The following RGS6 variants were observed in gnomAD, a reference collection of about 807,000 sequenced individuals.
RGS6 encodes the protein regulator of G-protein signaling 6.
In RGS6, 30 loss-of-function variants were observed where a neutral mutation model predicts 78.5. The ratio of observed to expected loss-of-function variants is 0.38; its 90% CI spans 0.29 to 0.52. RGS6 has a LOEUF of 0.52. Among genes scored for constraint, RGS6 ranks in the 20% least tolerant of loss-of-function variants. The pLI, the probability that RGS6 is intolerant of heterozygous loss-of-function variation, is 0.85. For missense variants in RGS6, 495 were observed against 609.7 expected (o/e 0.81, Z 1.98); for synonymous variants, 206 against 206.0 (o/e 1.00, Z 0.00).
intron 2 of RGS6, among the ~76,000 whole-genome samples, chr14:72,188,885 A>T (rs1432435750): frequency 1.3e-5 from 2 of 152,236 alleles, no homozygotes; most frequent in Admixed American, 1.3e-4. Flanking sequence ...ACTCTCACAG[A>T]GCAGAGAAAT....
At chr14:72,021,560 C>A (rs1447248555) in intron 2 of RGS6, among the ~76,000 whole-genome samples, 1 of 150,092 alleles carries the variant, frequency 6.7e-6, no homozygotes. Flanking sequence ...GCTCTGCCTC[C>A]TAGGTTCAAG....
intron 13 of RGS6, among the ~76,000 whole-genome samples, chr14:72,501,005 T>C (rs1227334973): frequency 6.6e-6 from 1 of 151,960 alleles, no homozygotes; most frequent in African/African-American, 2.4e-5. Context: ...AAACGCTTCA[T>C]GAGAGGAGGG....
intron 12 of RGS6, among the ~76,000 whole-genome samples, chr14:72,482,344 T>A (rs1051568205): frequency 6.6e-6 from 1 of 152,206 alleles, no homozygotes; most frequent in Non-Finnish European, 1.5e-5. Flanking sequence ...CTTTTAGTTG[T>A]CTGTCTGTCT....
chr14:72,145,312 G>C (rs1378440837), intron 2 of RGS6, among the ~76,000 whole-genome samples: 1 of 152,154 alleles, frequency 6.6e-6, no homozygotes, highest in African/African-American at 2.4e-5. Context: ...GGTCTACGTG[G>C]GAAAGGGCTG....
intron 2 of RGS6, among the ~76,000 whole-genome samples, chr14:72,334,253 G>A (rs1265894128): frequency 6.6e-6 from 1 of 152,260 alleles, no homozygotes; most frequent in African/African-American, 2.4e-5. Flanking sequence ...CAAGGCTCAT[G>A]CCAAACCCCA....
At chr14:72,005,439 C>CTCTATCTATCTATCTATCTATTTA (rs2084333108) in intron 2 of RGS6, among the ~76,000 whole-genome samples, 1 of 143,512 alleles carries the variant, frequency 7.0e-6, no homozygotes, top group East Asian at 2.0e-4. Flanking sequence ...ACCTGCATAT[C>CTCTATCTATCTATCTATCTATTTA]TCTATCTATC....
chr14:72,164,169 T>A (rs1213257464), intron 2 of RGS6, among the ~76,000 whole-genome samples: 2 of 152,136 alleles, frequency 1.3e-5, no homozygotes, highest in Non-Finnish European at 2.9e-5. Context: ...GTCCTGTTAG[T>A]TGTAGCATTT....
chr14:72,293,443 AGT>A (rs1382816276), intron 2 of RGS6, among the ~76,000 whole-genome samples: 2 of 152,082 alleles, frequency 1.3e-5, no homozygotes, highest in African/African-American at 4.8e-5. Context: ...CGGATGGGCT[AGT>A]GTTTGTTTTC....
At position 72,490,253 on chromosome 14, in the gene RGS6, C is replaced by T. The variant is rs940600259; in HGVS notation, c.855-4899C>T. On this transcript the variant is annotated intron_variant, in intron 12 of 17. Transcript: ENST00000553525. Reference sequence around the variant, plus strand: ...AAATGGGAGTTTCCCTGCACAAGCTCGCTCTCTTTGCCTGCTGCCATCCAT... The same window carrying T: ...AAATGGGAGTTTCCCTGCACAAGCTTGCTCTCTTTGCCTGCTGCCATCCAT... Among the ~76,000 whole-genome samples, 6 of 152,102 alleles carry T rather than the reference C, an allele frequency of 3.9e-5. 1 individual carries two copies. The South Asian group carries it at 6.2e-4, about 16-fold the overall frequency.
chr14:72,526,904 C>G (rs2097127103), intron 15 of RGS6, among the ~76,000 whole-genome samples: 1 of 152,242 alleles, frequency 6.6e-6, no homozygotes, highest in African/African-American at 2.4e-5. Flanking sequence ...AAGAAAAGCT[C>G]ATTTTCCCTA....
chr14:72,451,754 AT>A (rs149787891), intron 3 of RGS6, among the ~76,000 whole-genome samples: 36 of 149,302 alleles, frequency 2.4e-4, no homozygotes, highest in African/African-American at 4.9e-4. Context: ...GAAAAGAACT[AT>A]TTTTTTTTTC....
chr14:72,389,362 T>C (rs1481671038), intron 3 of RGS6, among the ~76,000 whole-genome samples: 1 of 152,172 alleles, frequency 6.6e-6, no homozygotes, highest in Non-Finnish European at 1.5e-5. Context: ...AGATAATAAA[T>C]GACCTTCTGA....
chr14:72,454,383 G>T, intron 3 of RGS6, 145 bp from the exon 4 acceptor site: 2 of 760,688 alleles, frequency 2.6e-6, no homozygotes, highest in South Asian at 3.0e-5. Flanking sequence ...GGAAAGGGTT[G>T]GTTAGGACAA....
Position 72,562,932 on chromosome 14 carries a change from G to A in RGS6, c.*465G>A. 1.5e-6 allele frequency: 1 copy of A among 656,544 alleles called. No individual in the cohort carries two copies. Among genetic ancestry groups the A allele is most frequent in the East Asian group, 2.7e-5 (1 of 36,608 alleles). The allele number at this position is 656,544 out of a possible 1,614,324, so 40.7% of individuals were successfully genotyped here. A position where few individuals can be genotyped will look rare whatever the true frequency, so the allele number is the denominator to read the frequency against. On this transcript the variant is annotated 3_prime_UTR_variant, in exon 18 of 18. Coordinates refer to ENST00000553525, the MANE Select transcript of RGS6 (RefSeq NM_001204424.2). ...CATCACCTCCCTGGCACCTCCCATA[G>A]TTACAGCCACTACATCCCCACCGCC...
intron 2 of RGS6, among the ~76,000 whole-genome samples, chr14:72,307,429 A>G (rs1422766754): frequency 1.3e-5 from 2 of 152,176 alleles, no homozygotes; most frequent in African/African-American, 4.8e-5. Context: ...CTTCACTTTT[A>G]CATTTAAATA....
chr14:72,025,969 A>G (rs1211223074), intron 2 of RGS6, among the ~76,000 whole-genome samples: 1 of 152,232 alleles, frequency 6.6e-6, no homozygotes, highest in Non-Finnish European at 1.5e-5. Context: ...ACAATTATTC[A>G]TTCAATAATG....
intron 2 of RGS6, among the ~76,000 whole-genome samples, chr14:72,148,996 G>T (rs1030729155): frequency 3.3e-5 from 5 of 152,208 alleles, no homozygotes; most frequent in African/African-American, 1.2e-4. Flanking sequence ...AGGCTTGGTG[G>T]ATAGCTTATC....
the RGS6 span, among the ~76,000 whole-genome samples, chr14:71,909,788 A>T: frequency 1.3e-5 from 2 of 152,230 alleles, no homozygotes; most frequent in African/African-American, 4.8e-5. Flanking sequence ...AACTACAGGC[A>T]AGGGAGACCG....
intron 2 of RGS6, among the ~76,000 whole-genome samples, chr14:72,282,965 C>G (rs1384891009): frequency 1.3e-5 from 2 of 152,200 alleles, no homozygotes; most frequent in Non-Finnish European, 2.9e-5. Flanking sequence ...AACCACGATT[C>G]TACTCTCTGC....
Sources: allele counts gnomAD v4.1 joint callset (sites outside exome capture counted in the v4.1 genomes callset), GRCh38; gene constraint gnomAD v4.1.1; transcripts MANE v1.5; gene names NCBI Gene and HGNC (gene_info 2026-07-23, HGNC 2026-07-21).